The following TMEM109 variants were observed in gnomAD, a reference collection of about 807,000 sequenced individuals.
TMEM109 encodes transmembrane protein 109.
In TMEM109, 19 loss-of-function variants were observed where a neutral mutation model predicts 26.4. The observed-to-expected ratio is 0.72, with a 90% CI of 0.50 to 1.06. The LOEUF is 1.06. Among genes scored for constraint, TMEM109 ranks in the 50% least tolerant of loss-of-function variants. The probability of loss-of-function intolerance (pLI) is 0.00; values close to 1 mark genes in which losing one functional copy is unlikely to be tolerated. For synonymous variants in TMEM109, 129 were observed against 142.0 expected, an observed-to-expected ratio of 0.91 and a Z score of 0.65; for missense variants, 262 against 303.4, an observed-to-expected ratio of 0.86 and a Z score of 1.01.
chr11:60,914,445 G>A (rs1384560752), intron 1 of TMEM109, among the ~76,000 whole-genome samples, 177 bp downstream of exon 1: 2 of 152,220 alleles, frequency 1.3e-5, no homozygotes, highest in Non-Finnish European at 2.9e-5. Flanking sequence ...GCAACCGGGG[G>A]CGTCGTTTCC....
intron 1 of TMEM109, chr11:60,918,550 T>C (rs2134879055): frequency 6.6e-6 from 1 of 152,134 alleles, no homozygotes. Flanking sequence ...AATCACCTCT[T>C]AAAGGTCCCA....
Position 60,922,487 on chromosome 11 carries a change from G to T in TMEM109, c.*322G>T. ...TGCGCCAGCAAACATCACTGCCGTT[G>T]GTCTCTCATGACTTAACTGGCTTCC... is the stretch of plus-strand genomic sequence containing the variant. On this transcript the variant is annotated 3_prime_UTR_variant, in exon 4 of 4. Coordinates refer to ENST00000227525, the MANE Select transcript of TMEM109 (RefSeq NM_024092.3). 1.1e-6 allele frequency: 1 copy of T among 874,658 alleles called. No homozygotes were observed. The highest frequency in any genetic ancestry group is 1.6e-5 in the South Asian group (1 of 64,022). 54.2% of individuals were successfully genotyped at this position (874,658 alleles called of 1,614,324 possible). A position where few individuals can be genotyped will look rare whatever the true frequency, so the allele number is the denominator to read the frequency against.
chr11:60,922,289 C>G lies in TMEM109; in HGVS notation c.*124C>G. On this transcript the variant is annotated 3_prime_UTR_variant, in exon 4 of 4. Coordinates refer to ENST00000227525, the MANE Select transcript of TMEM109 (RefSeq NM_024092.3). Reference sequence around the variant, plus strand: ...TCTCTGAACCTTCAGAACATTGATCCTTGCCGCAGCCCCACTAGCCAAGAG... The same window carrying G: ...TCTCTGAACCTTCAGAACATTGATCGTTGCCGCAGCCCCACTAGCCAAGAG... 6.5e-7 allele frequency: 1 copy of G among 1,542,320 alleles called. No individual in the cohort carries two copies.
chr11:60,916,197 C>G (rs191348074), intron 1 of TMEM109, among the ~76,000 whole-genome samples: 13 of 152,324 alleles, frequency 8.5e-5, no homozygotes, highest in Admixed American at 5.2e-4. Flanking sequence ...CACTCAACCT[C>G]TCTAAGCCAT....
At chr11:60,917,770 C>T (rs568275721) in intron 1 of TMEM109, among the ~76,000 whole-genome samples, 3 of 152,210 alleles carry the variant, frequency 2.0e-5, no homozygotes, top group Non-Finnish European at 4.4e-5. Context: ...ATCCTCCCCC[C>T]TCAGCCTCCC....
chr11:60,922,466 C>A lies in TMEM109; in HGVS notation c.*301C>A. 1 of 1,115,842 alleles carries A rather than the reference C, an allele frequency of 9.0e-7. No individual in the cohort carries two copies. The highest frequency in any genetic ancestry group is 1.3e-6 in the Non-Finnish European group (1 of 796,922). 69.1% of individuals were successfully genotyped at this position (1,115,842 alleles called of 1,614,324 possible). A position where few individuals can be genotyped will look rare whatever the true frequency, so the allele number is the denominator to read the frequency against. The stretch of plus-strand genomic sequence containing the variant: ...CCTCCCTCTGGCTTCTGCATCTGCG[C>A]CAGCAAACATCACTGCCGTTGGTCT... On this transcript the variant is annotated 3_prime_UTR_variant, in exon 4 of 4. Coordinates refer to ENST00000227525, the MANE Select transcript of TMEM109 (RefSeq NM_024092.3).
At chr11:60,920,414 A>G (rs1856223112) in intron 2 of TMEM109, among the ~76,000 whole-genome samples, 1 of 152,220 alleles carries the variant, frequency 6.6e-6, no homozygotes, top group African/African-American at 2.4e-5. Flanking sequence ...ACAATCATTT[A>G]TTAAATCCAT....
chr11:60,915,752 G>T (rs138199205), intron 1 of TMEM109, among the ~76,000 whole-genome samples: 5 of 152,286 alleles, frequency 3.3e-5, no homozygotes, highest in Non-Finnish European at 5.9e-5. Context: ...GATTGGGAGG[G>T]GGGGGCGCGA....
chr11:60,916,908 C>T (rs1355087303), intron 1 of TMEM109, among the ~76,000 whole-genome samples: 1 of 152,118 alleles, frequency 6.6e-6, no homozygotes, highest in Admixed American at 6.5e-5. Context: ...GGATCCAACC[C>T]AAGATAGCAA....
intron 1 of TMEM109, among the ~76,000 whole-genome samples, chr11:60,915,969 T>C (rs1003356632): frequency 6.6e-6 from 1 of 152,198 alleles, no homozygotes; most frequent in African/African-American, 2.4e-5. Flanking sequence ...AACCATGGCC[T>C]GTAAGCCCAG....
intron 1 of TMEM109, among the ~76,000 whole-genome samples, chr11:60,914,566 C>T (rs776502211): frequency 5.8e-4 from 89 of 152,352 alleles, no homozygotes; most frequent in Non-Finnish European, 1.1e-3. Flanking sequence ...AGCGCCAAGC[C>T]CGAGCCCCCG....
chr11:60,921,026 G>A (rs770281812), intron 3 of TMEM109, 38 bp downstream of exon 3: 2 of 1,558,468 alleles, frequency 1.3e-6, no homozygotes, highest in Non-Finnish European at 1.8e-6. Context: ...CCAGAGCTTT[G>A]CCTGTACTTT....
chr11:60,919,748 C>T lies in TMEM109; in HGVS notation c.55C>T (p.Leu19=). ...GGGAAAGCATGTGTTCAAAGCCATTCTGATGGTCCTAGTGGCCCTTATCCT... is the reference window on the plus strand; with the variant it reads ...GGGAAAGCATGTGTTCAAAGCCATTTTGATGGTCCTAGTGGCCCTTATCCT... ...PWGKHVFKAI[L]MVLVALILLH... The change falls in exon 2 of 4, where the codon CTG becomes TTG. Residue 19 remains leucine (L), a synonymous_variant. Coordinates refer to ENST00000227525, the MANE Select transcript of TMEM109 (RefSeq NM_024092.3). 6.2e-7 allele frequency: 1 copy of T among 1,614,214 alleles called. No individual in the cohort carries two copies.
rs922501322 is a variant in TMEM109 at position 60,922,706 on chromosome 11, A to G, written c.*541A>G. On this transcript the variant is annotated 3_prime_UTR_variant, in exon 4 of 4. Transcript: ENST00000227525. ...AGTAGGGAGGGGCAGGGGTAAGGGGACCTGAGGATAAAGGGTGGGGAAACA... is the reference window on the plus strand; with the variant it reads ...AGTAGGGAGGGGCAGGGGTAAGGGGGCCTGAGGATAAAGGGTGGGGAAACA... 1.7e-5 allele frequency: 4 copies of G among 235,304 alleles called. No homozygotes were observed. The highest frequency in any genetic ancestry group is 8.9e-5 in the African/African-American group (4 of 44,862). The allele number at this position is 235,304 out of a possible 1,614,324, so 14.6% of individuals were successfully genotyped here.
chr11:60,923,430 T>A lies in TMEM109; in HGVS notation c.*1265T>A, dbSNP rs770798371. 1.3e-5 allele frequency: 2 copies of A among 152,590 alleles called. No individual in the cohort carries two copies. The highest frequency in any genetic ancestry group is 2.4e-5 in the African/African-American group (1 of 41,452). 9.5% of individuals were successfully genotyped at this position (152,590 alleles called of 1,614,324 possible). A position where few individuals can be genotyped will look rare whatever the true frequency, so the allele number is the denominator to read the frequency against. ...TTTTATTATCTTGTTCTGAATAAAATGTATTTACTCCAAGTCTGGATTGCT... is the reference window on the plus strand; with the variant it reads ...TTTTATTATCTTGTTCTGAATAAAAAGTATTTACTCCAAGTCTGGATTGCT... On this transcript the variant is annotated 3_prime_UTR_variant, in exon 4 of 4. Coordinates refer to ENST00000227525, the MANE Select transcript of TMEM109 (RefSeq NM_024092.3).
chr11:60,921,639 A>G, intron 3 of TMEM109, 135 bp from the exon 4 acceptor site: 1 of 698,334 alleles, frequency 1.4e-6, no homozygotes, highest in South Asian at 1.8e-5. Context: ...ATTCCAACCC[A>G]TATCACTCTG....
chr11:60,921,918 G>C lies in TMEM109; in HGVS notation c.485G>C (p.Gly162Ala). 4 of 1,614,174 alleles carry C rather than the reference G, an allele frequency of 2.5e-6. No individual in the cohort carries two copies. Among genetic ancestry groups the C allele is most frequent in the African/African-American group, 1.3e-5 (1 of 75,058 alleles). The change falls in exon 4 of 4, where the codon GGC (glycine) becomes GCC (alanine). Residue 162 changes from glycine (G) to alanine (A), a missense_variant. Coordinates refer to ENST00000227525, the MANE Select transcript of TMEM109 (RefSeq NM_024092.3). ...GCCTTGCTGGGGCGGATCCTGTGGG[G>C]CCTGAAGCTTGTCATCTTCCTGGCC... Reference protein sequence around the residue: ...VLALLGRILWGLKLVIFLAGF... With the variant: ...VLALLGRILWALKLVIFLAGF...
At position 60,920,866 on chromosome 11, in the gene TMEM109, G is replaced by A. The variant is rs1461106826; in HGVS notation, c.238-20G>A. Reference sequence around the variant, plus strand: ...CCGTTGTTCATTATGAACTCATCTCGCTCCGTGCTCTTTCCACAGTCTTCG... The same window carrying A: ...CCGTTGTTCATTATGAACTCATCTCACTCCGTGCTCTTTCCACAGTCTTCG... On this transcript the variant is annotated intron_variant, in intron 2 of 3. Transcript: ENST00000227525. 13 of 1,604,754 alleles carry A rather than the reference G, an allele frequency of 8.1e-6. No individual in the cohort carries two copies. The highest frequency in any genetic ancestry group is 5.4e-5 in the African/African-American group (4 of 74,720).
Position 60,922,186 on chromosome 11 carries a change from C to T in TMEM109, c.*21C>T. The T allele has an allele frequency of 6.4e-7, 1 of 1,562,316 alleles. No homozygotes were observed. The highest frequency in any genetic ancestry group is 8.7e-7 in the Non-Finnish European group (1 of 1,153,284). ...AGTGAGCCGGATGCCCCACACACCG[C>T]CAGTGTCATACCAAAGAGCTGAGCT... On this transcript the variant is annotated 3_prime_UTR_variant, in exon 4 of 4. Transcript: ENST00000227525.
Sources: allele counts gnomAD v4.1 joint callset (sites outside exome capture counted in the v4.1 genomes callset), GRCh38; gene constraint gnomAD v4.1.1; transcripts MANE v1.5; gene names NCBI Gene and HGNC (gene_info 2026-07-23, HGNC 2026-07-21).